TFRC: variants seen among roughly 807,000 people sequenced by gnomAD.
The protein encoded by TFRC is transferrin receptor, also known as transferrin receptor protein 1.
Under a neutral mutation model 85.8 loss-of-function variants are expected in TFRC, and 35 were observed. The observed-to-expected ratio is 0.41, with a 90% CI of 0.31 to 0.54. TFRC has a LOEUF of 0.54. TFRC is among the 20% of genes least tolerant of loss of function. The probability of loss-of-function intolerance (pLI) is 0.31; values close to 1 mark genes in which losing one functional copy is unlikely to be tolerated. For synonymous variants in TFRC, 362 were observed against 328.6 expected (o/e 1.10, Z -1.10); for missense variants, 828 against 921.5 (o/e 0.90, Z 1.31).
chr3:196,060,309 T>C (rs1428935962), intron 13 of TFRC, 62 bp from the exon 14 acceptor site: 2 of 1,345,174 alleles, frequency 1.5e-6, no homozygotes, highest in Admixed American at 3.6e-5. Context: ...CACTGCTACT[T>C]CTACAACTAT....
rs781268657 is a variant in TFRC at position 196,074,101 on chromosome 3, T to C, written c.263A>G (p.Tyr88Cys). Residue 88 changes from tyrosine to cysteine, a missense_variant, in exon 4 of 19, where the codon TAT becomes TGT. Physicochemically the swap from Tyr to Cys is radical, Grantham distance 194 (BLOSUM62 -2). Coordinates refer to ENST00000360110, the MANE Select transcript of TFRC (RefSeq NM_001128148.3). ...LIGFMIGYLGYCKGVEPKTEC... is the reference protein window; with the variant it reads ...LIGFMIGYLGCCKGVEPKTEC... ...AGTTTTTGGTTCTACCCCTTTACAATAGCCCAAGTAGCCAATCATAAATCC... is the reference window on the plus strand; with the variant it reads ...AGTTTTTGGTTCTACCCCTTTACAACAGCCCAAGTAGCCAATCATAAATCC... The C allele has an allele frequency of 1.2e-6, 2 of 1,612,622 alleles. No homozygotes were observed. The highest frequency in any genetic ancestry group is 2.7e-5 in the African/African-American group (2 of 74,858).
Position 196,051,432 on chromosome 3 carries a change from C to T in TFRC, c.*510G>A, listed in dbSNP as rs1411493507. 1 of 218,414 alleles carries T rather than the reference C, an allele frequency of 4.6e-6. No individual in the cohort carries two copies. The highest frequency in any genetic ancestry group is 9.2e-6 in the Non-Finnish European group (1 of 108,564). The allele number at this position is 218,414 out of a possible 1,614,324, so 13.5% of individuals were successfully genotyped here. On this transcript the variant is annotated 3_prime_UTR_variant, in exon 19 of 19. Coordinates refer to ENST00000360110, the MANE Select transcript of TFRC (RefSeq NM_001128148.3). The stretch of plus-strand genomic sequence containing the variant: ...TGGCAAGAAAACAAGCCCATCTCTT[C>T]TGAAAGTTAACTGTTTCTTTCAGGA...
At chr3:196,052,230 T>C in intron 18 of TFRC, 46 bp from the exon 19 acceptor site, 1 of 1,587,394 alleles carries the variant, frequency 6.3e-7, no homozygotes, top group Non-Finnish European at 8.6e-7. Context: ...CTGTGACTTT[T>C]GTAGTAAAAC....
intron 6 of TFRC, chr3:196,069,784 T>C (rs1718038979): frequency 2.3e-6 from 1 of 426,874 alleles, no homozygotes; most frequent in Non-Finnish European, 4.2e-6. Context: ...CTCCTATGTC[T>C]TTCATGCTTT....
chr3:196,067,042 T>C (rs920877326), intron 9 of TFRC, among the ~76,000 whole-genome samples: 53 of 152,220 alleles, frequency 3.5e-4, no homozygotes, highest in Non-Finnish European at 8.8e-5. Flanking sequence ...CAACCATAAA[T>C]GGTTTCTCTG....
intron 16 of TFRC, chr3:196,055,618 G>A: frequency 2.6e-6 from 1 of 385,684 alleles, no homozygotes; most frequent in South Asian, 2.9e-5. Context: ...TGGGAAGTTT[G>A]GGCCTTTATC....
intron 14 of TFRC, among the ~76,000 whole-genome samples, chr3:196,059,548 T>G (rs1717094110): frequency 6.6e-6 from 1 of 152,190 alleles, no homozygotes; most frequent in Non-Finnish European, 1.5e-5. Flanking sequence ...GTTTCTAACT[T>G]TACTCACTCC....
At chr3:196,073,275 T>C (rs1239029779) in intron 4 of TFRC, among the ~76,000 whole-genome samples, 3 of 145,462 alleles carry the variant, frequency 2.1e-5, no homozygotes, top group Non-Finnish European at 1.5e-5. Flanking sequence ...GGAGACATGG[T>C]GAGACTCCAT....
chr3:196,053,128 A>AT (rs41298073), intron 18 of TFRC, among the ~76,000 whole-genome samples: 44 of 151,808 alleles, frequency 2.9e-4, no homozygotes, highest in East Asian at 1.9e-3. Context: ...AAAAAAAAAA[A>AT]TTTTTTTAAA....
In TFRC at chr3:196,051,498, C is replaced by T. The variant is rs1020038087; in HGVS notation, c.*444G>A. ...ACATTCCTTATGGAAAGGCTTAGAT[C>T]TCATTTGGAGAAGGTCTTTCAACCT... On this transcript the variant is annotated 3_prime_UTR_variant, in exon 19 of 19. Transcript: ENST00000360110. The T allele has an allele frequency of 8.9e-6, 2 of 225,200 alleles. No individual in the cohort carries two copies. Among genetic ancestry groups the T allele is most frequent in the Non-Finnish European group, 1.8e-5 (2 of 112,878 alleles). The allele number at this position is 225,200 out of a possible 1,614,324, so 14.0% of individuals were successfully genotyped here. A position where few individuals can be genotyped will look rare whatever the true frequency, so the allele number is the denominator to read the frequency against.
chr3:196,055,067 A>C lies in TFRC; in HGVS notation c.1899+13T>G, dbSNP rs1407283004. 8.7e-6 allele frequency: 14 copies of C among 1,611,816 alleles called. No homozygotes were observed. The highest frequency in any genetic ancestry group is 1.2e-5 in the Non-Finnish European group (14 of 1,178,498). ...TTCAGCAAAATAAAAACGTAATTGG[A>C]ATCAGTGCTCACCTTTATGTCTGCT... On this transcript the variant is annotated intron_variant, in intron 17 of 18. Coordinates refer to ENST00000360110, the MANE Select transcript of TFRC (RefSeq NM_001128148.3).
In TFRC at chr3:196,072,109, G is replaced by C; in HGVS notation, c.478C>G (p.Gln160Glu). 2 of 1,614,108 alleles carry C rather than the reference G, an allele frequency of 1.2e-6. No homozygotes were observed. Among genetic ancestry groups the C allele is most frequent in the Middle Eastern group, 1.6e-4 (1 of 6,062 alleles). Residue 160 changes from glutamine to glutamate, a missense_variant, in exon 5 of 19, where the codon CAA becomes GAA. Transcript: ENST00000360110. ...NSYVPREAGS[Q>E]KDENLALYVE... ...TACAACGCAAGATTTTCATCTTTTT[G>C]AGATCCAGCCTCACGAGGGACATAT...
chr3:196,067,640 A>C lies in TFRC; in HGVS notation c.918T>G (p.Gly306=), dbSNP rs1338497741. The C allele has an allele frequency of 1.2e-6, 2 of 1,613,772 alleles. No individual in the cohort carries two copies. Among genetic ancestry groups the C allele is most frequent in the Non-Finnish European group, 1.7e-6 (2 of 1,179,896 alleles). Residue 306 remains glycine (G), a synonymous_variant, in exon 9 of 19, where the codon GGT becomes GGG. Transcript: ENST00000360110. Reference sequence around the variant, plus strand: ...AAGGGAATCCAGGTGTGTAAGGGTCACCTGTCCCCAGATGAGCCTAGGAAA... The same window carrying C: ...AAGGGAATCCAGGTGTGTAAGGGTCCCCTGTCCCCAGATGAGCCTAGGAAA... The part of the protein sequence containing the change: ...SFFGHAHLGT[G]DPYTPGFPSF...
At chr3:196,066,570 T>C (rs1717759787) in intron 9 of TFRC, among the ~76,000 whole-genome samples, 1 of 152,214 alleles carries the variant, frequency 6.6e-6, no homozygotes, top group Non-Finnish European at 1.5e-5. Context: ...ACTCCCCTAC[T>C]ACATAAGGAT....
chr3:196,068,350 C>T (rs114701290), intron 7 of TFRC, among the ~76,000 whole-genome samples: 5 of 152,256 alleles, frequency 3.3e-5, no homozygotes, highest in South Asian at 4.1e-4. Context: ...TGGTGGCTCA[C>T]GCCTGTAATC....
chr3:196,059,720 G>A (rs941903042), intron 14 of TFRC, among the ~76,000 whole-genome samples: 6 of 150,642 alleles, frequency 4.0e-5, no homozygotes, highest in African/African-American at 1.5e-4. Context: ...CCACTAACTC[G>A]TCATCTAGCG....
chr3:196,058,158 C>T (rs1716969455), intron 16 of TFRC, 126 bp downstream of exon 16: 2 of 653,728 alleles, frequency 3.1e-6, no homozygotes, highest in Non-Finnish European at 5.2e-6. Flanking sequence ...TTTTCCTTTA[C>T]TCCTCTGAAT....
chr3:196,059,680 G>C lies in TFRC; in HGVS notation c.1536+500C>G, dbSNP rs941009277. 3.3e-5 allele frequency among the ~76,000 whole-genome samples: 5 copies of C among 151,620 alleles called. No homozygotes were observed. In the South Asian group the frequency reaches 6.2e-4, roughly 19 times the overall value. ...CACATTGTGCAGGTTAGTTACATATGTATACATGTGCCATGCTGGTGCACT... is the reference window on the plus strand; with the variant it reads ...CACATTGTGCAGGTTAGTTACATATCTATACATGTGCCATGCTGGTGCACT... On this transcript the variant is annotated intron_variant, in intron 14 of 18. Coordinates refer to ENST00000360110, the MANE Select transcript of TFRC (RefSeq NM_001128148.3).
In TFRC at chr3:196,071,998, C is replaced by A; in HGVS notation, c.584+5G>T. 1 of 1,610,238 alleles carries A rather than the reference C, an allele frequency of 6.2e-7. No individual in the cohort carries two copies. The highest frequency in any genetic ancestry group is 8.5e-7 in the Non-Finnish European group (1 of 1,178,348). The stretch of plus-strand genomic sequence containing the variant: ...TAAAAATAAGTTTACCATCTTTCAA[C>A]ATACCTGTCTTTGACCTGAATCTTA... On this transcript the variant is annotated splice_donor_5th_base_variant and intron_variant, in intron 5 of 18. Coordinates refer to ENST00000360110, the MANE Select transcript of TFRC (RefSeq NM_001128148.3).
Sources: allele counts gnomAD v4.1 joint callset (sites outside exome capture counted in the v4.1 genomes callset), GRCh38; gene constraint gnomAD v4.1.1; transcripts MANE v1.5; gene names NCBI Gene and HGNC (gene_info 2026-07-23, HGNC 2026-07-21).